The following FAR2 variants were observed in gnomAD, a reference collection of about 807,000 sequenced individuals.
FAR2 encodes the protein fatty acyl-CoA reductase 2.
FAR2 carries 19 observed loss-of-function variants against 56.0 expected under a neutral mutation model. That is an observed-to-expected ratio of 0.34 (90% CI 0.24 to 0.50). FAR2 has a LOEUF of 0.50. FAR2 is among the 20% of genes least tolerant of loss of function. The pLI is 0.98. For synonymous variants in FAR2, 219 were observed against 218.8 expected, an observed-to-expected ratio of 1.00 and a Z score of -0.01; for missense variants, 508 against 642.2, an observed-to-expected ratio of 0.79 and a Z score of 2.26.
intron 1 of FAR2, among the ~76,000 whole-genome samples, chr12:29,170,270 T>A (rs554350365): frequency 6.6e-6 from 1 of 152,372 alleles, no homozygotes; most frequent in South Asian, 2.1e-4. Context: ...AACATCTATC[T>A]CCTGTCCTGA....
chr12:29,179,134 A>T (rs1237557004), intron 1 of FAR2, among the ~76,000 whole-genome samples: 1 of 152,172 alleles, frequency 6.6e-6, no homozygotes, highest in Non-Finnish European at 1.5e-5. Flanking sequence ...ATTTTAACTG[A>T]ATTACCTCTA....
intron 1 of FAR2, among the ~76,000 whole-genome samples, chr12:29,182,254 G>A (rs1419496488): frequency 3.9e-5 from 6 of 152,170 alleles, no homozygotes; most frequent in African/African-American, 1.4e-4. Context: ...CAGCTTCCAC[G>A]TATGGAAGGG....
At chr12:29,158,310 A>G (rs946059133) in intron 1 of FAR2, among the ~76,000 whole-genome samples, 4 of 152,214 alleles carry the variant, frequency 2.6e-5, no homozygotes, top group African/African-American at 7.2e-5. Context: ...AGCTAAGCAC[A>G]TGATCTAAAA....
intron 1 of FAR2, among the ~76,000 whole-genome samples, chr12:29,208,299 C>T (rs1245727502): frequency 6.6e-6 from 1 of 152,164 alleles, no homozygotes; most frequent in African/African-American, 2.4e-5. Flanking sequence ...GTTTCAGTTC[C>T]TACCCTCTAC....
At chr12:29,259,998 T>G (rs1261002498) in intron 1 of FAR2, among the ~76,000 whole-genome samples, 2 of 152,172 alleles carry the variant, frequency 1.3e-5, no homozygotes, top group Non-Finnish European at 2.9e-5. Context: ...CCCAGTGAGC[T>G]GTTGTAAAGT....
At chr12:29,185,530 C>T (rs1950033483) in intron 1 of FAR2, among the ~76,000 whole-genome samples, 1 of 151,876 alleles carries the variant, frequency 6.6e-6, no homozygotes, top group Non-Finnish European at 1.5e-5. Flanking sequence ...GTAGTTCAGC[C>T]CTCAATAAGC....
intron 1 of FAR2, among the ~76,000 whole-genome samples, chr12:29,230,111 C>G (rs1947832760): frequency 6.6e-6 from 1 of 151,880 alleles, no homozygotes; most frequent in South Asian, 2.1e-4. Flanking sequence ...AGATGACATA[C>G]ACAGATGTCA....
rs1301197479 is a variant in FAR2, at chr12:29,293,456, C to T, written c.346C>T (p.Arg116Cys). Residue 116 changes from arginine (R) to cysteine (C), a missense_variant, in exon 3 of 12, where the codon CGC becomes TGC. Transcript: ENST00000536681. ...AATATTTCACTGTGCAGCCACTGTA[C>T]GCTTTGACGACACTCTCAGGTACAT... is the stretch of plus-strand genomic sequence containing the variant. ...NIIFHCAATV[R>C]FDDTLRHAVQ... 7 of 1,579,682 alleles carry T rather than the reference C, an allele frequency of 4.4e-6. No homozygotes were observed. The highest frequency in any genetic ancestry group is 3.7e-5 in the Admixed American group (2 of 54,426).
chr12:29,256,044 T>G (rs1591897458), intron 1 of FAR2, among the ~76,000 whole-genome samples: 2 of 152,134 alleles, frequency 1.3e-5, no homozygotes, highest in East Asian at 3.9e-4. Context: ...TAATTTTTTG[T>G]ATTTTTTAGT....
intron 1 of FAR2, among the ~76,000 whole-genome samples, chr12:29,202,021 A>G (rs540401848): frequency 6.6e-6 from 1 of 152,340 alleles, no homozygotes; most frequent in African/African-American, 2.4e-5. Context: ...ATTATACCAC[A>G]TAGAGGATTT....
intron 1 of FAR2, among the ~76,000 whole-genome samples, chr12:29,151,175 C>T (rs1367586126): frequency 6.6e-6 from 1 of 152,174 alleles, no homozygotes; most frequent in African/African-American, 2.4e-5. Context: ...CCCATGCACT[C>T]ATGAAAACTT....
intron 1 of FAR2, among the ~76,000 whole-genome samples, chr12:29,253,636 C>A (rs1227409537): frequency 6.6e-6 from 1 of 152,094 alleles, no homozygotes; most frequent in Non-Finnish European, 1.5e-5. Context: ...ATCAACCAAT[C>A]TTTTATTTGT....
intron 9 of FAR2, among the ~76,000 whole-genome samples, chr12:29,318,888 A>C (rs1949502828): frequency 6.6e-6 from 1 of 152,084 alleles, no homozygotes; most frequent in Non-Finnish European, 1.5e-5. Context: ...GAGTATGTGG[A>C]GTTTGTGACT....
intron 2 of FAR2, among the ~76,000 whole-genome samples, 172 bp downstream of exon 2, chr12:29,270,810 C>T (rs934652995): frequency 1.3e-5 from 2 of 152,140 alleles, no homozygotes; most frequent in African/African-American, 4.8e-5. Flanking sequence ...CGGTGTTTTC[C>T]CAAAGGAGGG....
chr12:29,259,813 T>C (rs757966012), intron 1 of FAR2, among the ~76,000 whole-genome samples: 1 of 152,228 alleles, frequency 6.6e-6, no homozygotes, highest in African/African-American at 2.4e-5. Context: ...TTTTTCTTTT[T>C]TTCATTCAGC....
In FAR2 at chr12:29,312,187, T is replaced by TA. The variant is rs1350859023; in HGVS notation, c.955+238dup. ...TGTAAGCAGTAAGGGGTCCATTGGC[T>TA]ATAGCGATTTTAAAAATGATGAAAC... On this transcript the variant is annotated intron_variant, in intron 8 of 11. Transcript: ENST00000536681. Among the ~76,000 whole-genome samples, 4 of 152,242 alleles carry TA rather than the reference T, an allele frequency of 2.6e-5. No individual in the cohort carries two copies. In the East Asian group the frequency reaches 7.7e-4, roughly 29 times the overall value.
chr12:29,157,134 A>ATATG (rs1949736059), intron 1 of FAR2: 2 of 140,952 alleles, frequency 1.4e-5, no homozygotes, highest in Non-Finnish European at 3.1e-5. Context: ...ATATATATAT[A>ATATG]TATATATATA....
chr12:29,289,817 A>G (rs1472709220), intron 2 of FAR2, among the ~76,000 whole-genome samples: 2 of 152,254 alleles, frequency 1.3e-5, no homozygotes, highest in Non-Finnish European at 2.9e-5. Flanking sequence ...TAACCAGAAT[A>G]CATAAGGAGC....
chr12:29,222,817 T>A (rs1423414050), intron 1 of FAR2, among the ~76,000 whole-genome samples: 1 of 152,180 alleles, frequency 6.6e-6, no homozygotes, highest in African/African-American at 2.4e-5. Flanking sequence ...TTTAGAATGC[T>A]ATATGTACTT....
Sources: gnomAD v4.1 joint callset for allele counts (sites outside exome capture counted in the v4.1 genomes callset) on GRCh38, gnomAD v4.1.1 for gene constraint, MANE v1.5 for transcripts, NCBI Gene and HGNC (gene_info 2026-07-23, HGNC 2026-07-21) for gene names.